The following GLB1 variants were observed in gnomAD, a reference collection of about 807,000 sequenced individuals.
GLB1 encodes the protein beta-galactosidase.
In GLB1, 56 loss-of-function variants were observed where a neutral mutation model predicts 74.0. That is an observed-to-expected ratio of 0.76 (90% CI 0.61 to 0.94). GLB1 has a LOEUF of 0.94. Ranked by LOEUF, GLB1 falls within the 40% of genes least tolerant of loss-of-function variation. The probability of loss-of-function intolerance (pLI) is 0.00; values close to 1 mark genes in which losing one functional copy is unlikely to be tolerated. For missense variants in GLB1, 787 were observed against 845.5 expected, an observed-to-expected ratio of 0.93 and a Z score of 0.86; for synonymous variants, 323 against 323.6, an observed-to-expected ratio of 1.00 and a Z score of 0.02.
chr3:33,047,470 G>C (rs1472204277), intron 9 of GLB1, among the ~76,000 whole-genome samples: 4 of 152,326 alleles, frequency 2.6e-5, no homozygotes, highest in Non-Finnish European at 5.9e-5. Context: ...TTTCTAACAG[G>C]TGTCCAGGTG....
chr3:32,994,183 C>T (rs1239684882), downstream of GLB1, among the ~76,000 whole-genome samples: 4 of 152,268 alleles, frequency 2.6e-5, no homozygotes, highest in East Asian at 7.7e-4. Context: ...AAGTACCCAT[C>T]AGCTGGCAAA....
chr3:33,080,883 C>T (rs561328640), intron 1 of GLB1, among the ~76,000 whole-genome samples: 1 of 152,312 alleles, frequency 6.6e-6, no homozygotes, highest in South Asian at 2.1e-4. Flanking sequence ...TGAGTCTGCA[C>T]CTTGTTGTCT....
Position 33,093,815 on chromosome 3 carries a change from G to C in GLB1, c.75+3196C>G. On this transcript the variant is annotated intron_variant, in intron 1 of 15. Transcript: ENST00000307363. The surrounding 1 kb of genome is among the most constrained non-coding windows in gnomAD (Gnocchi z 6.0). ...TGAGGATGAAGAGGAAGAAGAGCATGATGATGTAAGCACCCAGGCAGGAGT... is the reference window on the plus strand; with the variant it reads ...TGAGGATGAAGAGGAAGAAGAGCATCATGATGTAAGCACCCAGGCAGGAGT... 2 of 1,613,556 alleles carry C rather than the reference G, an allele frequency of 1.2e-6. No individual in the cohort carries two copies. Among genetic ancestry groups the C allele is most frequent in the South Asian group, 2.2e-5 (2 of 91,000 alleles).
intron 9 of GLB1, among the ~76,000 whole-genome samples, chr3:33,047,454 A>G (rs529110250): frequency 3.6e-4 from 55 of 152,186 alleles, no homozygotes; most frequent in Middle Eastern, 3.2e-3. Context: ...GGGGCCTGAA[A>G]CTGCATTTCT....
At chr3:33,030,852 G>C in intron 10 of GLB1, 1 of 983,996 alleles carries the variant, frequency 1.0e-6, no homozygotes. Context: ...TGGGTCTTAA[G>C]TTGATTTGAC....
Position 33,074,819 on chromosome 3 carries a change from G to A in GLB1, c.76-2106C>T, listed in dbSNP as rs567380446. Among the ~76,000 whole-genome samples the A allele has an allele frequency of 9.2e-5, 14 of 152,242 alleles. No individual in the cohort carries two copies. In the East Asian group the frequency reaches 2.5e-3, roughly 27 times the overall value. Reference sequence around the variant, plus strand: ...GCATCATAGTCCATGGTGGCTTTGGGGGTTGCCCTTGAAGCTGTATTTGGA... The same window carrying A: ...GCATCATAGTCCATGGTGGCTTTGGAGGTTGCCCTTGAAGCTGTATTTGGA... On this transcript the variant is annotated intron_variant, in intron 1 of 15. Transcript: ENST00000307363.
At chr3:32,966,950 T>G in the GLB1 span, among the ~76,000 whole-genome samples, 1,396 of 152,304 alleles carry the variant, frequency 9.2e-3, 24 homozygotes, top group African/African-American at 0.032. Flanking sequence ...GTGAGTCCAT[T>G]AGATTTCTTT....
intron 15 of GLB1, among the ~76,000 whole-genome samples, chr3:33,000,750 G>GA (rs1043843593): frequency 3.3e-5 from 5 of 151,956 alleles, no homozygotes; most frequent in African/African-American, 1.2e-4. Flanking sequence ...AAAACAAACA[G>GA]AAAAAACCCA....
At chr3:33,016,379 C>T (rs976419837) in intron 14 of GLB1, among the ~76,000 whole-genome samples, 1 of 152,092 alleles carries the variant, frequency 6.6e-6, no homozygotes, top group Non-Finnish European at 1.5e-5. Flanking sequence ...TTTTTTGAGA[C>T]AAGGTCTCAC....
At chr3:32,986,443 C>T in the GLB1 span, among the ~76,000 whole-genome samples, 8 of 152,152 alleles carry the variant, frequency 5.3e-5, no homozygotes, top group South Asian at 2.1e-4. Context: ...AAATATTTTC[C>T]TTCTTACACA....
chr3:33,016,175 G>A (rs1044984744), intron 14 of GLB1, among the ~76,000 whole-genome samples: 1 of 152,102 alleles, frequency 6.6e-6, no homozygotes, highest in Non-Finnish European at 1.5e-5. Flanking sequence ...TGGCTTTACT[G>A]GCAAAGGAGT....
At chr3:32,990,201 GAGA>G in the GLB1 span, among the ~76,000 whole-genome samples, 1 of 152,104 alleles carries the variant, frequency 6.6e-6, no homozygotes, top group African/African-American at 2.4e-5. Context: ...GCCTCCCTCT[GAGA>G]AGCACTTTCT....
chr3:33,046,322 G>C (rs1698738758), intron 9 of GLB1, 90 bp from the exon 10 acceptor site: 1 of 1,467,568 alleles, frequency 6.8e-7, no homozygotes. Flanking sequence ...ACTGTAGAGA[G>C]AGAAAACTAG....
chr3:33,039,641 C>T (rs1000747396), intron 10 of GLB1, among the ~76,000 whole-genome samples: 2 of 152,116 alleles, frequency 1.3e-5, no homozygotes, highest in African/African-American at 4.8e-5. Flanking sequence ...CAGGAAAAAA[C>T]GTCTAACACA....
At chr3:32,974,687 CTAAAAGAG>C in the GLB1 span, among the ~76,000 whole-genome samples, 20 of 152,228 alleles carry the variant, frequency 1.3e-4, no homozygotes, top group South Asian at 2.9e-3. Context: ...TCTTGAGACC[CTAAAAGAG>C]TTGATGTTTC....
At chr3:32,996,035 A>G (rs936691640), downstream of GLB1, among the ~76,000 whole-genome samples, 15 of 152,314 alleles carry the variant, frequency 9.8e-5, no homozygotes, top group Non-Finnish European at 1.8e-4. Flanking sequence ...CCCGGACACT[A>G]GAGCCAGACT....
intron 10 of GLB1, among the ~76,000 whole-genome samples, chr3:33,038,354 C>A (rs2125501597): frequency 6.6e-6 from 1 of 152,278 alleles, no homozygotes; most frequent in East Asian, 1.9e-4. Context: ...AAGGTTAACA[C>A]CTTTGTGTAT....
chr3:33,030,359 T>C (rs1302367861), intron 10 of GLB1, among the ~76,000 whole-genome samples: 1 of 152,192 alleles, frequency 6.6e-6, no homozygotes, highest in African/African-American at 2.4e-5. Context: ...GGAGAGGGAC[T>C]AGAAAAGCCA....
intron 1 of GLB1, chr3:33,092,585 C>A: frequency 2.3e-6 from 3 of 1,283,538 alleles, no homozygotes; most frequent in Non-Finnish European, 3.0e-6. Context: ...GAGGGGAGTG[C>A]TAATATATGT....
Sources: gnomAD v4.1 joint callset for allele counts (sites outside exome capture counted in the v4.1 genomes callset) on GRCh38, gnomAD v4.1.1 for gene constraint, Gnocchi (gnomAD v3.1) non-coding constraint, MANE v1.5 for transcripts, NCBI Gene and HGNC (gene_info 2026-07-23, HGNC 2026-07-21) for gene names.